Variants in VPS13D observed in about 807,000 individuals in gnomAD.
The protein encoded by VPS13D is vacuolar protein sorting 13 homolog D, also known as intermembrane lipid transfer protein VPS13D.
VPS13D carries 187 observed loss-of-function variants against 461.9 expected under a neutral mutation model. The ratio of observed to expected loss-of-function variants is 0.40; its 90% CI spans 0.36 to 0.46. The LOEUF is 0.46. Among genes scored for constraint, VPS13D ranks in the 20% least tolerant of loss-of-function variants. The probability of loss-of-function intolerance (pLI) is 0.60; values close to 1 mark genes in which losing one functional copy is unlikely to be tolerated. For synonymous variants in VPS13D, 1,951 were observed against 1,986.3 expected (o/e 0.98, Z 0.47); for missense variants, 4,711 against 5,364.9 (o/e 0.88, Z 3.81).
chr1:12,437,781 A>G (rs545437446), intron 65 of VPS13D, among the ~76,000 whole-genome samples: 1 of 152,174 alleles, frequency 6.6e-6, no homozygotes, highest in Non-Finnish European at 1.5e-5. Flanking sequence ...AATTGTTTAG[A>G]CTAAGGCTAG....
chr1:12,244,363 A>G lies in VPS13D; in HGVS notation c.293A>G (p.Asn98Ser), dbSNP rs776251343. The G allele has an allele frequency of 2.7e-5, 44 of 1,614,102 alleles. No individual in the cohort carries two copies. The highest frequency in any genetic ancestry group is 1.6e-4 in the Middle Eastern group (1 of 6,084). ...IGAPEKIQDF[N>S]DEKEKLLERE... ...GCCCCAGAGAAAATACAGGATTTCA[A>G]TGATGAAAAGGAGAAGCTGTTGGAA... The change falls in exon 4 of 70, where the codon AAT (asparagine) becomes AGT (serine). Residue 98 changes from asparagine to serine, a missense_variant. Physicochemically the swap from Asn to Ser is conservative, Grantham distance 46. Around this residue, in one of 3 missense-constraint regions of VPS13D, gnomAD observed 4,411 missense variants for 4,937.8 expected, o/e 0.89. Transcript: ENST00000620676.
chr1:12,307,728 G>A (rs1447823966), intron 26 of VPS13D, among the ~76,000 whole-genome samples: 1 of 152,148 alleles, frequency 6.6e-6, no homozygotes, highest in Non-Finnish European at 1.5e-5. Context: ...CTGACCTCAG[G>A]TGATCCACCT....
intron 60 of VPS13D, among the ~76,000 whole-genome samples, chr1:12,386,866 A>T (rs868182875): frequency 6.6e-6 from 1 of 152,188 alleles, no homozygotes; most frequent in Non-Finnish European, 1.5e-5. Flanking sequence ...CCAATTTGAG[A>T]ACGTTTCCAG....
chr1:12,275,860 T>C lies in VPS13D; in HGVS notation c.2272T>C (p.Ser758Pro). The change falls in exon 19 of 70, where the codon TCT becomes CCT. Residue 758 changes from serine (S) to proline (P), a missense_variant. Ser to Pro is a moderately conservative substitution (Grantham distance 74). Around this residue, in one of 3 missense-constraint regions of VPS13D, gnomAD observed 4,411 missense variants for 4,937.8 expected, o/e 0.89. Coordinates refer to ENST00000620676, the MANE Select transcript of VPS13D (RefSeq NM_015378.4). ...SRRKSRDGSA[S>P]EETQFSDDEY... ...GAGGAAAAGTAGGGATGGGTCAGCATCTGAAGAGACCCAGTTTAGTGATGA... is the reference window on the plus strand; with the variant it reads ...GAGGAAAAGTAGGGATGGGTCAGCACCTGAAGAGACCCAGTTTAGTGATGA... 5 of 1,611,432 alleles carry C rather than the reference T, an allele frequency of 3.1e-6. No individual in the cohort carries two copies. The highest frequency in any genetic ancestry group is 4.2e-6 in the Non-Finnish European group (5 of 1,178,960).
chr1:12,254,841 T>C (rs957007121), intron 7 of VPS13D, among the ~76,000 whole-genome samples: 29 of 152,058 alleles, frequency 1.9e-4, no homozygotes, highest in African/African-American at 6.7e-4. Flanking sequence ...TTAATCCTTC[T>C]GTAAATAATT....
At chr1:12,340,398 T>G (rs1268483842) in intron 40 of VPS13D, among the ~76,000 whole-genome samples, 1 of 152,212 alleles carries the variant, frequency 6.6e-6, no homozygotes, top group African/African-American at 2.4e-5. Context: ...AAATAGAACT[T>G]GCCTTGACCC....
chr1:12,255,364 A>G (rs1569696860), intron 7 of VPS13D, among the ~76,000 whole-genome samples: 3 of 152,350 alleles, frequency 2.0e-5, no homozygotes, highest in Non-Finnish European at 4.4e-5. Flanking sequence ...AACATATAGT[A>G]TGAAGTTAAA....
chr1:12,442,946 C>G (rs1210246123), intron 65 of VPS13D, among the ~76,000 whole-genome samples: 1 of 152,154 alleles, frequency 6.6e-6, no homozygotes, highest in African/African-American at 2.4e-5. Flanking sequence ...AAAACAAGTT[C>G]CATTACATTT....
Position 12,373,731 on chromosome 1 carries a change from T to C in VPS13D, c.10809-19T>C. 1.8e-5 allele frequency: 25 copies of C among 1,384,354 alleles called. No homozygotes were observed. Among genetic ancestry groups the C allele is most frequent in the Non-Finnish European group, 2.4e-5 (25 of 1,060,922 alleles). The allele number at this position is 1,384,354 out of a possible 1,614,324, so 85.8% of individuals were successfully genotyped here. A position where few individuals can be genotyped will look rare whatever the true frequency, so the allele number is the denominator to read the frequency against. On this transcript the variant is annotated intron_variant, in intron 54 of 69. Transcript: ENST00000620676. ...TGTATATATATTTTTATGTAATATA[T>C]ATATTTTTTAAATTCTAGCTTGCAG... is the stretch of plus-strand genomic sequence containing the variant.
chr1:12,402,023 G>C (rs1212911113), intron 62 of VPS13D, among the ~76,000 whole-genome samples: 1 of 152,190 alleles, frequency 6.6e-6, no homozygotes, highest in East Asian at 1.9e-4. Context: ...TAGGATGACA[G>C]AAATGATATT....
chr1:12,504,396 C>T (rs927438411), intron 68 of VPS13D, among the ~76,000 whole-genome samples: 3 of 152,148 alleles, frequency 2.0e-5, no homozygotes, highest in South Asian at 2.1e-4. Context: ...GCACAATTTC[C>T]AGAAATATGT....
chr1:12,416,740 T>A lies in VPS13D; in HGVS notation c.12246T>A (p.Ser4082=), dbSNP rs1557426949. 2 of 1,614,134 alleles carry A rather than the reference T, an allele frequency of 1.2e-6. No individual in the cohort carries two copies. The highest frequency in any genetic ancestry group is 1.7e-6 in the Non-Finnish European group (2 of 1,180,012). Residue 4082 remains serine, a synonymous_variant, in exon 65 of 70, where the codon TCT becomes TCA. Transcript: ENST00000620676. ...GNPMGLLNDV[S]EGVTGLIKYG... ...CTATGGGGCTTTTGAATGATGTTTC[T>A]GAAGGGGTTACTGGACTGATAAAAT... is the stretch of plus-strand genomic sequence containing the variant.
chr1:12,273,189 T>C (rs1437563255), intron 18 of VPS13D, 54 bp downstream of exon 18: 1 of 1,556,548 alleles, frequency 6.4e-7, no homozygotes. Context: ...GGATGATCTA[T>C]CTATGATTAT....
chr1:12,338,348 T>G (rs775500953), intron 40 of VPS13D, 43 bp downstream of exon 40: 3 of 1,589,492 alleles, frequency 1.9e-6, no homozygotes, highest in Non-Finnish European at 2.6e-6. Context: ...TTTCCTGTTT[T>G]AAGAACTTCC....
chr1:12,491,365 T>A (rs1232427112), intron 67 of VPS13D, among the ~76,000 whole-genome samples: 2 of 151,794 alleles, frequency 1.3e-5, no homozygotes, highest in Non-Finnish European at 2.9e-5. Flanking sequence ...CAAATTAAGC[T>A]GTGTAGGGGT....
chr1:12,234,400 T>C (rs1431260421), intron 2 of VPS13D, 37 bp downstream of exon 2: 2 of 1,544,700 alleles, frequency 1.3e-6, no homozygotes, highest in East Asian at 2.2e-5. Context: ...GCTTTATAGG[T>C]GGCGTTTCTA....
At chr1:12,230,258 C>T (rs1044897772) in intron 1 of VPS13D, 138 bp downstream of exon 1, 1 of 152,262 alleles carries the variant, frequency 6.6e-6, no homozygotes, top group African/African-American at 2.4e-5. Context: ...TGCTAGGAGC[C>T]TGGGGGCCCC....
intron 49 of VPS13D, among the ~76,000 whole-genome samples, chr1:12,357,217 G>A (rs1457574048): frequency 6.6e-6 from 1 of 152,204 alleles, no homozygotes; most frequent in Non-Finnish European, 1.5e-5. Flanking sequence ...CGGTAGAATC[G>A]TGCTGACAGC....
In VPS13D at chr1:12,276,372, A is replaced by G. The variant is rs1172563981; in HGVS notation, c.2784A>G (p.Gln928=). ...AGGAGGAGCAGCGGGGAAGTTTGCA[A>G]GACTCCGTAATGAATTTAACCCAGA... The part of the protein sequence containing the change: ...FPQEEQRGSL[Q]DSVMNLTQSI... Residue 928 remains glutamine (Q), a synonymous_variant, in exon 19 of 70, where the codon CAA becomes CAG. Coordinates refer to ENST00000620676, the MANE Select transcript of VPS13D (RefSeq NM_015378.4). The surrounding 1 kb of genome is among the most constrained non-coding windows in gnomAD (Gnocchi z 4.5). 1.2e-6 allele frequency: 2 copies of G among 1,614,196 alleles called. No homozygotes were observed. The highest frequency in any genetic ancestry group is 2.2e-5 in the East Asian group (1 of 44,878).
Sources: allele counts gnomAD v4.1 joint callset (sites outside exome capture counted in the v4.1 genomes callset), GRCh38; gene constraint gnomAD v4.1.1; regional missense constraint gnomAD v4.1.1; non-coding constraint Gnocchi (gnomAD v3.1); transcripts MANE v1.5; gene names NCBI Gene and HGNC (gene_info 2026-07-23, HGNC 2026-07-21).